KCNQ1OT1: variants seen among roughly 807,000 people sequenced by gnomAD.
The protein encoded by KCNQ1OT1 is KCNQ1 antisense RNA 2 (non-protein coding).
exon 1 of KCNQ1OT1, chr11:2,666,961 C>G (rs1383600156): frequency 2.5e-6 from 1 of 398,734 alleles, no homozygotes; most frequent in East Asian, 3.6e-5. Context: ...GCCAAGGAAG[C>G]CCTCTGGGGG....
At position 2,624,850 on chromosome 11, in the gene KCNQ1OT1, G is replaced by GTGA. The variant is rs993308498; in HGVS notation, n.75142_75144dup. The GTGA allele has an allele frequency of 2.5e-6, 1 of 398,214 alleles. No individual in the cohort carries two copies. Among genetic ancestry groups the GTGA allele is most frequent in the African/African-American group, 2.1e-5 (1 of 48,506 alleles). The allele number at this position is 398,214 out of a possible 1,614,324, so 24.7% of individuals were successfully genotyped here. A position where few individuals can be genotyped will look rare whatever the true frequency, so the allele number is the denominator to read the frequency against. On this transcript the variant is annotated non_coding_transcript_exon_variant, in exon 1 of 1. Transcript: ENST00000597346. This position sits in a 1 kb window ranked among gnomAD's most constrained non-coding sequence, Gnocchi z 4.9. ...GGAAACATACAGTACTTCTCTTCTT[G>GTGA]TGACTGCTGTATTTCATTTAACATA...
At position 2,683,504 on chromosome 11, in the gene KCNQ1OT1, CAT is replaced by C; in HGVS notation, n.16489_16490del. 2.5e-6 allele frequency: 1 copy of C among 398,622 alleles called. No individual in the cohort carries two copies. Among genetic ancestry groups the C allele is most frequent in the Non-Finnish European group, 4.4e-6 (1 of 226,052 alleles). 24.7% of individuals were successfully genotyped at this position (398,622 alleles called of 1,614,324 possible). A position where few individuals can be genotyped will look rare whatever the true frequency, so the allele number is the denominator to read the frequency against. Reference sequence around the variant, plus strand: ...CCTATTAAAACATAACTTGTTAAAGCATAGAGCTTAGTTCAGAGTAAACATTT... The same window carrying C: ...CCTATTAAAACATAACTTGTTAAAGCAGAGCTTAGTTCAGAGTAAACATTT... On this transcript the variant is annotated non_coding_transcript_exon_variant, in exon 1 of 1. Coordinates refer to ENST00000597346, the Ensembl canonical transcript of KCNQ1OT1. The surrounding 1 kb of genome is among the most constrained non-coding windows in gnomAD (Gnocchi z 4.7).
chr11:2,635,024 G>C (rs1381113257), exon 1 of KCNQ1OT1: 1 of 152,118 alleles, frequency 6.6e-6, no homozygotes, highest in East Asian at 1.9e-4. Context: ...CTTTTTGATA[G>C]GGTTGTTTGT....
At chr11:2,629,874 A>G in exon 1 of KCNQ1OT1, 1 of 398,334 alleles carries the variant, frequency 2.5e-6, no homozygotes, top group Non-Finnish European at 4.4e-6. Context: ...GCAAACAGAG[A>G]CAATTTTACT....
Position 2,627,549 on chromosome 11 carries a change from G to T in KCNQ1OT1, n.72446C>A, listed in dbSNP as rs1253279779. The stretch of plus-strand genomic sequence containing the variant: ...TTCCATATGTAACTGGGATAGTGCA[G>T]TATTTGTCTTTCTGTGTCTGGCTAT... On this transcript the variant is annotated non_coding_transcript_exon_variant, in exon 1 of 1. Transcript: ENST00000597346. The surrounding 1 kb of genome is among the most constrained non-coding windows in gnomAD (Gnocchi z 4.9). 2.5e-6 allele frequency: 1 copy of T among 398,452 alleles called. No homozygotes were observed. The highest frequency in any genetic ancestry group is 4.4e-6 in the Non-Finnish European group (1 of 226,038). The allele number at this position is 398,452 out of a possible 1,614,324, so 24.7% of individuals were successfully genotyped here. A position where few individuals can be genotyped will look rare whatever the true frequency, so the allele number is the denominator to read the frequency against.
chr11:2,658,567 T>A lies in KCNQ1OT1; in HGVS notation n.41428A>T, dbSNP rs1012873426. On this transcript the variant is annotated non_coding_transcript_exon_variant, in exon 1 of 1. Transcript: ENST00000597346. This position sits in a 1 kb window ranked among gnomAD's most constrained non-coding sequence, Gnocchi z 4.9. ...CTACCCTAGCCCTAGAATCATCCATTCATCCAGAGAGCCCTGGCTCCCTGG... is the reference window on the plus strand; with the variant it reads ...CTACCCTAGCCCTAGAATCATCCATACATCCAGAGAGCCCTGGCTCCCTGG... The A allele has an allele frequency of 1.2e-5, 4 of 343,390 alleles. No individual in the cohort carries two copies. Among genetic ancestry groups the A allele is most frequent in the Non-Finnish European group, 2.0e-5 (4 of 200,578 alleles). 21.3% of individuals were successfully genotyped at this position (343,390 alleles called of 1,614,324 possible).
Position 2,642,485 on chromosome 11 carries a change from T to G in KCNQ1OT1, n.57510A>C, listed in dbSNP as rs1849594787. The G allele has an allele frequency of 5.0e-6, 2 of 397,976 alleles. No individual in the cohort carries two copies. The highest frequency in any genetic ancestry group is 8.9e-6 in the Non-Finnish European group (2 of 225,758). The allele number at this position is 397,976 out of a possible 1,614,324, so 24.7% of individuals were successfully genotyped here. ...AATTTATTGATCAGACTGAAGAGTT[T>G]TGATTTTTGTATTTCATGGTATGAG... On this transcript the variant is annotated non_coding_transcript_exon_variant, in exon 1 of 1. Transcript: ENST00000597346. This position sits in a 1 kb window ranked among gnomAD's most constrained non-coding sequence, Gnocchi z 4.3.
At position 2,653,832 on chromosome 11, in the gene KCNQ1OT1, G is replaced by C; in HGVS notation, n.46163C>G. The stretch of plus-strand genomic sequence containing the variant: ...AGGCAAGGTCCACAGGGACCCCTTT[G>C]GGGATGGCCAGAGGGTACCTAAACA... On this transcript the variant is annotated non_coding_transcript_exon_variant, in exon 1 of 1. Transcript: ENST00000597346. This position sits in a 1 kb window ranked among gnomAD's most constrained non-coding sequence, Gnocchi z 5.3. The C allele has an allele frequency of 1.0e-5, 4 of 398,650 alleles. No individual in the cohort carries two copies. Among genetic ancestry groups the C allele is most frequent in the Non-Finnish European group, 1.8e-5 (4 of 226,090 alleles). 24.7% of individuals were successfully genotyped at this position (398,650 alleles called of 1,614,324 possible).
At position 2,672,409 on chromosome 11, in the gene KCNQ1OT1, G is replaced by A. The variant is rs572473516; in HGVS notation, n.27586C>T. 1.3e-5 allele frequency: 5 copies of A among 398,590 alleles called. No individual in the cohort carries two copies. The Admixed American group carries it at 2.2e-4, about 18-fold the overall frequency. The allele number at this position is 398,590 out of a possible 1,614,324, so 24.7% of individuals were successfully genotyped here. ...CTCAGGCTGGTATGGGTTAGGGGAT[G>A]AGAGTACAGAACAGTCCACCCCAGG... On this transcript the variant is annotated non_coding_transcript_exon_variant, in exon 1 of 1. Transcript: ENST00000597346.
chr11:2,650,430 G>A lies in KCNQ1OT1; in HGVS notation n.49565C>T, dbSNP rs191052632. On this transcript the variant is annotated non_coding_transcript_exon_variant, in exon 1 of 1. Transcript: ENST00000597346. ...TAGTAAGGACTTTTCCTGTACACGC[G>A]TCTGTAGTATCATTTGGGTAGGGTG... 162 of 398,544 alleles carry A rather than the reference G, an allele frequency of 4.1e-4. 1 individual carries two copies. The highest frequency in any genetic ancestry group is 1.3e-3 in the Middle Eastern group (2 of 1,588). 24.7% of individuals were successfully genotyped at this position (398,544 alleles called of 1,614,324 possible).
In KCNQ1OT1 at chr11:2,679,805, C is replaced by T. The variant is rs1271848050; in HGVS notation, n.20190G>A. The T allele has an allele frequency of 2.5e-6, 1 of 398,466 alleles. No individual in the cohort carries two copies. Among genetic ancestry groups the T allele is most frequent in the African/African-American group, 2.1e-5 (1 of 48,604 alleles). 24.7% of individuals were successfully genotyped at this position (398,466 alleles called of 1,614,324 possible). A position where few individuals can be genotyped will look rare whatever the true frequency, so the allele number is the denominator to read the frequency against. ...TTAGGCCAGTTGAGGGCTAGAGGAG[C>T]ACAAGGGGCCAGACTGCTGCTACTT... On this transcript the variant is annotated non_coding_transcript_exon_variant, in exon 1 of 1. Coordinates refer to ENST00000597346, the Ensembl canonical transcript of KCNQ1OT1. This position sits in a 1 kb window ranked among gnomAD's most constrained non-coding sequence, Gnocchi z 4.8.
chr11:2,632,630 A>C (rs1021464769), exon 1 of KCNQ1OT1: 1 of 398,398 alleles, frequency 2.5e-6, no homozygotes, highest in Non-Finnish European at 4.4e-6. Flanking sequence ...GGTAATTAGC[A>C]TATTCATCAA....
Position 2,690,895 on chromosome 11 carries a change from G to A in KCNQ1OT1, n.9100C>T, listed in dbSNP as rs887661634. ...GAGTGTAAGCCACTGTTTCCGTCTGGGTTTTGTCATGTGTAGGTCCCAGCG... is the reference window on the plus strand; with the variant it reads ...GAGTGTAAGCCACTGTTTCCGTCTGAGTTTTGTCATGTGTAGGTCCCAGCG... On this transcript the variant is annotated non_coding_transcript_exon_variant, in exon 1 of 1. Transcript: ENST00000597346. The surrounding 1 kb of genome is among the most constrained non-coding windows in gnomAD (Gnocchi z 5.1). The A allele has an allele frequency of 1.5e-5, 6 of 398,514 alleles. No homozygotes were observed. The highest frequency in any genetic ancestry group is 1.2e-4 in the African/African-American group (6 of 48,628). 24.7% of individuals were successfully genotyped at this position (398,514 alleles called of 1,614,324 possible).
chr11:2,648,981 C>CTTTTTTTTTTTTTTTTTTTTTTTTTTTT, exon 1 of KCNQ1OT1: 3 of 213,306 alleles, frequency 1.4e-5, no homozygotes, highest in Admixed American at 9.7e-5. Flanking sequence ...TTTTCTTTTT[C>CTTTTTTTTTTTTTTTTTTTTTTTTTTTT]TTTTTTTTTT....
At chr11:2,648,835 G>T (rs1490783443) in exon 1 of KCNQ1OT1, 2 of 398,062 alleles carry the variant, frequency 5.0e-6, no homozygotes, top group Non-Finnish European at 8.9e-6. Context: ...ATTGTATTGG[G>T]GTCTATCTCT....
chr11:2,672,874 C>T lies in KCNQ1OT1; in HGVS notation n.27121G>A, dbSNP rs1220347616. 5 of 398,624 alleles carry T rather than the reference C, an allele frequency of 1.3e-5. No homozygotes were observed. In the East Asian group the frequency reaches 1.8e-4, roughly 14 times the overall value. 24.7% of individuals were successfully genotyped at this position (398,624 alleles called of 1,614,324 possible). A position where few individuals can be genotyped will look rare whatever the true frequency, so the allele number is the denominator to read the frequency against. On this transcript the variant is annotated non_coding_transcript_exon_variant, in exon 1 of 1. Transcript: ENST00000597346. ...TTCTTGAGTGTCATACCCTAGCCACCTGACTGTCAGGGGAGCAGTATGTGG... is the reference window on the plus strand; with the variant it reads ...TTCTTGAGTGTCATACCCTAGCCACTTGACTGTCAGGGGAGCAGTATGTGG...
Position 2,617,683 on chromosome 11 carries a change from T to TG in KCNQ1OT1, n.82311dup. The stretch of plus-strand genomic sequence containing the variant: ...CACCAATCTACAGTCCCACCAACAC[T>TG]GTACAAGAGTTCCCTAACCCTAGCC... On this transcript the variant is annotated non_coding_transcript_exon_variant, in exon 1 of 1. Coordinates refer to ENST00000597346, the Ensembl canonical transcript of KCNQ1OT1. The surrounding 1 kb of genome is among the most constrained non-coding windows in gnomAD (Gnocchi z 4.6). 2.5e-6 allele frequency: 1 copy of TG among 398,522 alleles called. No individual in the cohort carries two copies. The highest frequency in any genetic ancestry group is 4.4e-6 in the Non-Finnish European group (1 of 226,002). 24.7% of individuals were successfully genotyped at this position (398,522 alleles called of 1,614,324 possible).
exon 1 of KCNQ1OT1, chr11:2,633,484 T>C (rs945672537): frequency 2.5e-6 from 1 of 398,596 alleles, no homozygotes; most frequent in Non-Finnish European, 4.4e-6. Flanking sequence ...TGTTTTCTTC[T>C]AGTACTGTTT....
rs933879666 is a variant in KCNQ1OT1, at chr11:2,659,777, AT to A, written n.40217del. On this transcript the variant is annotated non_coding_transcript_exon_variant, in exon 1 of 1. Transcript: ENST00000597346. The surrounding 1 kb of genome is among the most constrained non-coding windows in gnomAD (Gnocchi z 4.3). ...AGTGGTTGGTATTGTCAGGTTTTGA[AT>A]TTTTTTTTTAATTTATGGAATTTCA... is the stretch of plus-strand genomic sequence containing the variant. 17 of 393,768 alleles carry A rather than the reference AT, an allele frequency of 4.3e-5. No individual in the cohort carries two copies. Among genetic ancestry groups the A allele is most frequent in the South Asian group, 3.9e-4 (3 of 7,742 alleles). 24.4% of individuals were successfully genotyped at this position (393,768 alleles called of 1,614,324 possible).
Sources: gnomAD v4.1 joint callset for allele counts on GRCh38, gnomAD v4.1.1 for gene constraint, Gnocchi (gnomAD v3.1) non-coding constraint, MANE v1.5 for transcripts, NCBI Gene and HGNC (gene_info 2026-07-23, HGNC 2026-07-21) for gene names.